Variants in USP48 observed in about 807,000 individuals in gnomAD.
USP48 encodes ubiquitin specific peptidase 48.
USP48 carries 43 observed loss-of-function variants against 150.7 expected under a neutral mutation model. The observed-to-expected ratio is 0.29, with a 90% CI of 0.22 to 0.37. The LOEUF (loss-of-function observed/expected upper bound fraction) is 0.37, where lower values mean the gene tolerates loss of function less well. USP48 is among the 10% of genes least tolerant of loss of function. The probability of loss-of-function intolerance (pLI) is 1.00; values close to 1 mark genes in which losing one functional copy is unlikely to be tolerated. For synonymous variants in USP48, 396 were observed against 425.9 expected (o/e 0.93, Z 0.86); for missense variants, 813 against 1,249.6 (o/e 0.65, Z 5.27).
chr1:21,690,472 C>T (rs1029518911), intron 23 of USP48, among the ~76,000 whole-genome samples: 8 of 152,086 alleles, frequency 5.3e-5, no homozygotes, highest in Admixed American at 3.3e-4. Context: ...TCCCAGGCCC[C>T]ATATCCTTTC....
chr1:21,753,912 C>T (rs1470794766), intron 3 of USP48, among the ~76,000 whole-genome samples: 1 of 151,458 alleles, frequency 6.6e-6, no homozygotes, highest in Non-Finnish European at 1.5e-5. Flanking sequence ...CCTGTAATCC[C>T]AGCACTTTGG....
chr1:21,753,472 T>C (rs1003516105), intron 3 of USP48, among the ~76,000 whole-genome samples: 3 of 150,092 alleles, frequency 2.0e-5, no homozygotes, highest in African/African-American at 7.4e-5. Flanking sequence ...CGAGCATCTA[T>C]TGAGCGCGGG....
At chr1:21,696,728 CT>C (rs2097633293) in intron 22 of USP48, among the ~76,000 whole-genome samples, 1 of 151,996 alleles carries the variant, frequency 6.6e-6, no homozygotes, top group African/African-American at 2.4e-5. Context: ...AAGGATGCCC[CT>C]GGGTGTGCAT....
intron 25 of USP48, among the ~76,000 whole-genome samples, chr1:21,681,620 G>A (rs943644689): frequency 3.4e-4 from 52 of 152,126 alleles, no homozygotes; most frequent in African/African-American, 1.1e-3. Context: ...ACAAACAGCT[G>A]TTTTACCACT....
chr1:21,707,541 AT>A lies in USP48; in HGVS notation c.1964-674del, dbSNP rs369257450. Reference sequence around the variant, plus strand: ...CAAAAATCCCAGAAGATATAAAAAAATAATACTAGTCACCGCCACCCTGCCA... The same window carrying A: ...CAAAAATCCCAGAAGATATAAAAAAAAATACTAGTCACCGCCACCCTGCCA... On this transcript the variant is annotated intron_variant, in intron 15 of 26. Coordinates refer to ENST00000308271, the MANE Select transcript of USP48 (RefSeq NM_032236.8). Among the ~76,000 whole-genome samples, 660 of 152,330 alleles carry A rather than the reference AT, an allele frequency of 4.3e-3. 7 individuals carry two copies. Among genetic ancestry groups the A allele is most frequent in the African/African-American group, 0.015 (628 of 41,562 alleles).
At chr1:21,706,069 T>C (rs2097671456) in intron 18 of USP48, 57 bp downstream of exon 18, 1 of 1,562,242 alleles carries the variant, frequency 6.4e-7, no homozygotes, top group Non-Finnish European at 8.8e-7. Flanking sequence ...TCTTAAAAAA[T>C]ACCAGAGTCA....
chr1:21,731,312 G>A (rs1253032370), intron 9 of USP48, among the ~76,000 whole-genome samples: 7 of 151,884 alleles, frequency 4.6e-5, no homozygotes, highest in African/African-American at 1.7e-4. Flanking sequence ...CTCCCAGGCT[G>A]GAGTGGAATG....
At position 21,719,884 on chromosome 1, in the gene USP48, CAAAT is replaced by C. The variant is rs542684922; in HGVS notation, c.1894+1148_1894+1151del. 3.6e-3 allele frequency among the ~76,000 whole-genome samples: 545 copies of C among 151,238 alleles called. 3 individuals are homozygous for C. The highest frequency in any genetic ancestry group is 0.013 in the African/African-American group (520 of 41,212). Reference sequence around the variant, plus strand: ...GAGCAAAAAGAGCAAAACTCCATCTCAAATAAATAAATAAATAAAATAAAAACTT... The same window carrying C: ...GAGCAAAAAGAGCAAAACTCCATCTCAAATAAATAAATAAAATAAAAACTT... On this transcript the variant is annotated intron_variant, in intron 14 of 26. Transcript: ENST00000308271.
intron 6 of USP48, among the ~76,000 whole-genome samples, chr1:21,749,762 C>A (rs895808612): frequency 6.6e-6 from 1 of 152,144 alleles, no homozygotes; most frequent in Admixed American, 6.6e-5. Context: ...AACACCAAGC[C>A]TGGTTAATTT....
intron 14 of USP48, among the ~76,000 whole-genome samples, 189 bp downstream of exon 14, chr1:21,720,847 G>A (rs780656355): frequency 6.6e-6 from 1 of 151,982 alleles, no homozygotes; most frequent in African/African-American, 2.4e-5. Context: ...TGTTTTTTAG[G>A]GAAACAGGGT....
At chr1:21,731,145 T>C (rs2097755839) in intron 9 of USP48, among the ~76,000 whole-genome samples, 1 of 152,236 alleles carries the variant, frequency 6.6e-6, no homozygotes. Context: ...AAAATGTATA[T>C]GTACAGTTTG....
intron 25 of USP48, chr1:21,681,080 G>A: frequency 2.7e-6 from 1 of 373,058 alleles, no homozygotes. Context: ...TTGTAACTAG[G>A]GCACACCTAG....
intron 11 of USP48, 97 bp downstream of exon 11, chr1:21,728,473 A>C (rs982801245): frequency 2.0e-6 from 3 of 1,509,602 alleles, no homozygotes; most frequent in East Asian, 2.3e-5. Context: ...GGTTATTAGA[A>C]AGAGTAAGTT....
chr1:21,694,995 A>G, intron 23 of USP48, 71 bp downstream of exon 23: 1 of 1,478,468 alleles, frequency 6.8e-7, no homozygotes, highest in Non-Finnish European at 9.1e-7. Flanking sequence ...ATATGTAAAT[A>G]CAGGTGGAAA....
intron 12 of USP48, among the ~76,000 whole-genome samples, chr1:21,723,459 AGTC>A (rs887081258): frequency 4.0e-5 from 6 of 151,532 alleles, no homozygotes; most frequent in African/African-American, 1.5e-4. Flanking sequence ...GGTTGCAGTG[AGTC>A]GAGATTGAGC....
intron 19 of USP48, 118 bp from the exon 20 acceptor site, chr1:21,704,510 G>C: frequency 2.6e-6 from 3 of 1,137,232 alleles, no homozygotes; most frequent in Non-Finnish European, 3.5e-6. Context: ...AAAGGAATTA[G>C]AGAGAAAAGA....
Position 21,753,119 on chromosome 1 carries a change from T to C in USP48, c.413A>G (p.Asp138Gly), listed in dbSNP as rs1233054273. The change falls in exon 4 of 27, where the codon GAT (aspartate) becomes GGT (glycine). Residue 138 changes from aspartate (D) to glycine (G), a missense_variant and splice_region_variant. Coordinates refer to ENST00000308271, the MANE Select transcript of USP48 (RefSeq NM_032236.8). ...MLGDGIQEEKDYEPQTICEHL... is the reference protein window; with the variant it reads ...MLGDGIQEEKGYEPQTICEHL... ...CTCACAAATTGTTTGAGGCTCATAA[T>C]CTATTAAAACAAAAATATAGATTTG... 6.3e-7 allele frequency: 1 copy of C among 1,595,022 alleles called. No individual in the cohort carries two copies. Among genetic ancestry groups the C allele is most frequent in the East Asian group, 2.2e-5 (1 of 44,712 alleles).
intron 15 of USP48, among the ~76,000 whole-genome samples, chr1:21,711,703 A>T (rs1325757556): frequency 5.3e-5 from 8 of 152,172 alleles, no homozygotes; most frequent in Non-Finnish European, 8.8e-5. Context: ...CGAACTAGTG[A>T]AGCTCAGTCA....
chr1:21,730,407 C>T (rs1324788969), intron 9 of USP48, among the ~76,000 whole-genome samples: 1 of 151,490 alleles, frequency 6.6e-6, no homozygotes, highest in Non-Finnish European at 1.5e-5. Flanking sequence ...ACACTCCAGC[C>T]TGGGTGACAG....
Sources: gnomAD v4.1 joint callset for allele counts (sites outside exome capture counted in the v4.1 genomes callset) on GRCh38, gnomAD v4.1.1 for gene constraint, MANE v1.5 for transcripts, NCBI Gene and HGNC (gene_info 2026-07-23, HGNC 2026-07-21) for gene names.